INTS8: variants seen among roughly 807,000 people sequenced by gnomAD.
The protein encoded by INTS8 is protein kaonashi-1.
INTS8 carries 47 observed loss-of-function variants against 138.9 expected under a neutral mutation model. That is an observed-to-expected ratio of 0.34 (90% CI 0.27 to 0.43). INTS8 has a LOEUF of 0.43. Among genes scored for constraint, INTS8 ranks in the 20% least tolerant of loss-of-function variants. The pLI, the probability that INTS8 is intolerant of heterozygous loss-of-function variation, is 1.00. For missense variants in INTS8, 996 were observed against 1,173.0 expected, an observed-to-expected ratio of 0.85 and a Z score of 2.20; for synonymous variants, 392 against 400.9, an observed-to-expected ratio of 0.98 and a Z score of 0.27.
chr8:94,865,819 T>A, intron 17 of INTS8, 129 bp downstream of exon 17: 1 of 862,518 alleles, frequency 1.2e-6, no homozygotes, highest in Non-Finnish European at 1.8e-6. Context: ...AGTTGGACAA[T>A]CTTACGAGTT....
At chr8:94,869,517 G>C (rs971697075) in intron 20 of INTS8, among the ~76,000 whole-genome samples, 2 of 150,748 alleles carry the variant, frequency 1.3e-5, no homozygotes, top group East Asian at 2.0e-4. Context: ...TTTTGAGACG[G>C]AGTCTTGCTC....
At chr8:94,878,167 A>G (rs1416246568) in intron 26 of INTS8, among the ~76,000 whole-genome samples, 1 of 152,154 alleles carries the variant, frequency 6.6e-6, no homozygotes, top group Non-Finnish European at 1.5e-5. Flanking sequence ...AGACTATTGG[A>G]AAAAGTCCTA....
intron 18 of INTS8, 54 bp downstream of exon 18, chr8:94,866,245 G>A: frequency 1.1e-6 from 1 of 921,524 alleles, no homozygotes; most frequent in Non-Finnish European, 1.8e-6. Flanking sequence ...TGTAGAATAT[G>A]ACTAAAAATT....
At chr8:94,826,270 G>T (rs775537306) in intron 2 of INTS8, among the ~76,000 whole-genome samples, 8 of 151,956 alleles carry the variant, frequency 5.3e-5, no homozygotes, top group Non-Finnish European at 1.0e-4. Context: ...TTAAATATTA[G>T]AATTTTTAAA....
chr8:94,880,786 A>C lies in INTS8; in HGVS notation c.*552A>C, dbSNP rs552361596. The C allele has an allele frequency of 5.0e-6, 2 of 398,368 alleles. No individual in the cohort carries two copies. The highest frequency in any genetic ancestry group is 8.9e-6 in the Non-Finnish European group (2 of 225,752). The allele number at this position is 398,368 out of a possible 1,614,324, so 24.7% of individuals were successfully genotyped here. A position where few individuals can be genotyped will look rare whatever the true frequency, so the allele number is the denominator to read the frequency against. On this transcript the variant is annotated 3_prime_UTR_variant, in exon 27 of 27. Transcript: ENST00000523731. Reference sequence around the variant, plus strand: ...AATTAAAAAAAAAAATTCCTTAGGGATATCTTAGAGTAGTAAAGTGACTTC... The same window carrying C: ...AATTAAAAAAAAAAATTCCTTAGGGCTATCTTAGAGTAGTAAAGTGACTTC...
intron 16 of INTS8, among the ~76,000 whole-genome samples, chr8:94,861,589 G>C (rs1586512521): frequency 6.9e-6 from 1 of 145,024 alleles, no homozygotes; most frequent in African/African-American, 2.6e-5. Flanking sequence ...TTTTGCTCTT[G>C]TTGCCCAGGC....
rs186711564 is a variant in INTS8 at position 94,878,613 on chromosome 8, A to G, written c.2872-1505A>G. On this transcript the variant is annotated intron_variant, in intron 26 of 26. Transcript: ENST00000523731. Reference sequence around the variant, plus strand: ...AATGAATTGATTTCCTATATAGTCAACCTCTCCCATAGTCTATAAAATATT... The same window carrying G: ...AATGAATTGATTTCCTATATAGTCAGCCTCTCCCATAGTCTATAAAATATT... Among the ~76,000 whole-genome samples the G allele has an allele frequency of 1.9e-3, 296 of 151,894 alleles. 1 individual carries two copies. Among genetic ancestry groups the G allele is most frequent in the African/African-American group, 6.5e-3 (271 of 41,422 alleles).
At chr8:94,835,038 G>A (rs1235184338) in intron 6 of INTS8, among the ~76,000 whole-genome samples, 1 of 152,240 alleles carries the variant, frequency 6.6e-6, no homozygotes, top group East Asian at 1.9e-4. Flanking sequence ...GGTTTGGAAA[G>A]AGAGATTAGG....
At chr8:94,825,426 G>A (rs1408226981) in intron 2 of INTS8, among the ~76,000 whole-genome samples, 25 of 136,424 alleles carry the variant, frequency 1.8e-4, no homozygotes, top group Admixed American at 1.3e-3. Flanking sequence ...AGTAAGACTC[G>A]GAAAAAAAAA....
chr8:94,835,755 A>G (rs1814903817), intron 6 of INTS8, among the ~76,000 whole-genome samples: 2 of 152,038 alleles, frequency 1.3e-5, no homozygotes, highest in African/African-American at 4.8e-5. Context: ...GTGCGCCACT[A>G]CGCCTAGCTA....
chr8:94,870,059 T>G (rs938511201), intron 20 of INTS8, among the ~76,000 whole-genome samples: 1 of 149,794 alleles, frequency 6.7e-6, no homozygotes, highest in Non-Finnish European at 1.5e-5. Flanking sequence ...ATTTATTTAT[T>G]TTTTTTTTTT....
intron 22 of INTS8, among the ~76,000 whole-genome samples, 167 bp from the exon 23 acceptor site, chr8:94,874,385 A>G (rs1243348235): frequency 6.6e-6 from 1 of 152,158 alleles, no homozygotes; most frequent in Non-Finnish European, 1.5e-5. Flanking sequence ...TATTTTTTAC[A>G]GCACTTTTAA....
intron 6 of INTS8, among the ~76,000 whole-genome samples, chr8:94,832,587 A>G (rs926912295): frequency 5.9e-5 from 9 of 152,174 alleles, no homozygotes; most frequent in African/African-American, 1.9e-4. Flanking sequence ...CCCTCTTTCT[A>G]TAACTCTGGG....
intron 12 of INTS8, 58 bp from the exon 13 acceptor site, chr8:94,851,495 A>G (rs1401636267): frequency 1.7e-6 from 2 of 1,209,394 alleles, no homozygotes; most frequent in African/African-American, 1.6e-5. Flanking sequence ...TTTTAAGTAA[A>G]TTGTTATTCT....
intron 2 of INTS8, 37 bp downstream of exon 2, chr8:94,825,104 T>C: frequency 1.5e-6 from 2 of 1,362,802 alleles, no homozygotes; most frequent in Non-Finnish European, 2.1e-6. Context: ...TTTGAAGTGC[T>C]ATTTAGATAT....
At chr8:94,834,362 G>GGTGTGTGTGT (rs35147334) in intron 6 of INTS8, among the ~76,000 whole-genome samples, 1,530 of 144,552 alleles carry the variant, frequency 0.011, 20 homozygotes, top group South Asian at 0.016. Context: ...TATGTGCATG[G>GGTGTGTGTGT]GTGTGTGTGT....
At position 94,832,142 on chromosome 8, in the gene INTS8, T is replaced by A. The variant is rs186708108; in HGVS notation, c.721T>A (p.Leu241Met). The change falls in exon 6 of 27, where the codon TTG becomes ATG. Residue 241 changes from leucine (L) to methionine (M), a missense_variant. Transcript: ENST00000523731. ...NGETESSTAG[L>M]KVKTEEMQCQ... is the part of the protein sequence containing the mutation. ...AGAAACTGAGAGTTCTACTGCTGGA[T>A]TGAAAGTCAAAACCGAAGAAATGCA... is the stretch of plus-strand genomic sequence containing the variant. 154 of 1,612,720 alleles carry A rather than the reference T, an allele frequency of 9.5e-5. 2 individuals are homozygous for A. In the Middle Eastern group the frequency reaches 1.7e-3, roughly 17 times the overall value.
At chr8:94,876,762 A>G (rs1586534727) in intron 26 of INTS8, 2 of 323,432 alleles carry the variant, frequency 6.2e-6, no homozygotes, top group Non-Finnish European at 1.1e-5. Flanking sequence ...CGATGGCTTT[A>G]TAAGGCTATA....
In INTS8 at chr8:94,881,633, T is replaced by C; in HGVS notation, c.*1399T>C. The C allele has an allele frequency of 8.1e-6, 13 of 1,612,886 alleles. No individual in the cohort carries two copies. The highest frequency in any genetic ancestry group is 1.0e-5 in the Non-Finnish European group (12 of 1,179,668). ...AACTTGTTTGCTTAGTTATCTTCTTTAGTGTTTTCCTGGTGGTTTTTCAGT... is the reference window on the plus strand; with the variant it reads ...AACTTGTTTGCTTAGTTATCTTCTTCAGTGTTTTCCTGGTGGTTTTTCAGT... On this transcript the variant is annotated 3_prime_UTR_variant, in exon 27 of 27. Coordinates refer to ENST00000523731, the MANE Select transcript of INTS8 (RefSeq NM_017864.4).
Sources: allele counts gnomAD v4.1 joint callset (sites outside exome capture counted in the v4.1 genomes callset), GRCh38; gene constraint gnomAD v4.1.1; transcripts MANE v1.5; gene names NCBI Gene and HGNC (gene_info 2026-07-23, HGNC 2026-07-21).